NAV3: variants seen among roughly 807,000 people sequenced by gnomAD.
NAV3 encodes the protein neuron navigator 3.
Under a neutral mutation model 244.7 loss-of-function variants are expected in NAV3, and 87 were observed. The ratio of observed to expected loss-of-function variants is 0.36; its 90% CI spans 0.30 to 0.42. The LOEUF is 0.42. NAV3 is among the 20% of genes least tolerant of loss of function. The probability of loss-of-function intolerance (pLI) is 1.00; values close to 1 mark genes in which losing one functional copy is unlikely to be tolerated. For missense variants in NAV3, 2,663 were observed against 2,893.3 expected (o/e 0.92, Z 1.83); for synonymous variants, 1,126 against 1,042.2 (o/e 1.08, Z -1.55).
chr12:77,592,507 T>C (rs955319157), intron 2 of NAV3, among the ~76,000 whole-genome samples: 2 of 152,176 alleles, frequency 1.3e-5, no homozygotes, highest in African/African-American at 2.4e-5. Context: ...CCCTTTACTT[T>C]TCCTACAGAC....
chr12:77,746,619 AAGG>A (rs1868557916), intron 2 of NAV3, among the ~76,000 whole-genome samples: 1 of 152,166 alleles, frequency 6.6e-6, no homozygotes. Context: ...GAGATGGAGA[AAGG>A]AGGATTGAGG....
At chr12:77,680,869 A>G (rs759605922) in intron 2 of NAV3, among the ~76,000 whole-genome samples, 1 of 152,202 alleles carries the variant, frequency 6.6e-6, no homozygotes, top group African/African-American at 2.4e-5. Context: ...GGACACCAAG[A>G]AAGAGTACTC....
intron 2 of NAV3, among the ~76,000 whole-genome samples, chr12:77,641,022 C>T (rs1307502550): frequency 6.6e-6 from 1 of 152,088 alleles, no homozygotes; most frequent in Non-Finnish European, 1.5e-5. Context: ...TAGCAAGCAG[C>T]TTCTAGAGAG....
chr12:77,718,026 T>C (rs1040828402), intron 2 of NAV3, among the ~76,000 whole-genome samples: 1 of 152,186 alleles, frequency 6.6e-6, no homozygotes, highest in Non-Finnish European at 1.5e-5. Context: ...TTCCACAGTT[T>C]GCCTTTTTAC....
chr12:77,900,676 A>G (rs1592942683), intron 1 of NAV3, among the ~76,000 whole-genome samples: 1 of 152,316 alleles, frequency 6.6e-6, no homozygotes, highest in East Asian at 1.9e-4. Flanking sequence ...CGATTAACAT[A>G]CAAGAGCATA....
intron 2 of NAV3, among the ~76,000 whole-genome samples, chr12:77,611,935 T>C (rs1476660238): frequency 3.9e-5 from 6 of 152,082 alleles, no homozygotes; most frequent in Non-Finnish European, 5.9e-5. Flanking sequence ...TTGCTTTTTG[T>C]TGTCCCGTAT....
intron 20 of NAV3, among the ~76,000 whole-genome samples, chr12:78,142,129 A>G (rs1160384720): frequency 6.6e-6 from 1 of 152,088 alleles, no homozygotes; most frequent in Non-Finnish European, 1.5e-5. Flanking sequence ...AACAGGAAGA[A>G]ATGATATTCT....
chr12:77,694,174 G>A (rs960945550), intron 2 of NAV3, among the ~76,000 whole-genome samples: 3 of 151,802 alleles, frequency 2.0e-5, no homozygotes, highest in African/African-American at 7.3e-5. Flanking sequence ...GATTATAAAA[G>A]AAGTCTCTTT....
At chr12:77,884,242 G>A (rs765973178) in intron 1 of NAV3, among the ~76,000 whole-genome samples, 2 of 152,108 alleles carry the variant, frequency 1.3e-5, no homozygotes, top group Non-Finnish European at 2.9e-5. Flanking sequence ...AATGATGGAT[G>A]GTTGGATGGA....
intron 2 of NAV3, among the ~76,000 whole-genome samples, chr12:77,633,497 G>T (rs1039653884): frequency 1.3e-5 from 2 of 152,124 alleles, no homozygotes; most frequent in African/African-American, 4.8e-5. Context: ...GATTCATAAA[G>T]TTATTTATTA....
At chr12:77,968,072 T>A (rs932995234) in intron 4 of NAV3, among the ~76,000 whole-genome samples, 1 of 152,210 alleles carries the variant, frequency 6.6e-6, no homozygotes, top group African/African-American at 2.4e-5. Flanking sequence ...ACCCACATCA[T>A]CAATATTTAT....
At chr12:77,733,996 G>GT (rs1877232594) in intron 2 of NAV3, among the ~76,000 whole-genome samples, 2 of 151,804 alleles carry the variant, frequency 1.3e-5, no homozygotes, top group Admixed American at 1.3e-4. Flanking sequence ...ATTTTTGTTT[G>GT]TTTGTTTGTT....
At chr12:77,972,595 AG>A (rs1350519991) in intron 5 of NAV3, among the ~76,000 whole-genome samples, 1 of 152,096 alleles carries the variant, frequency 6.6e-6, no homozygotes, top group Non-Finnish European at 1.5e-5. Context: ...ATTTTGAAAA[AG>A]GTAGATAAAA....
In NAV3 at chr12:77,968,669, G is replaced by C. The variant is rs755167870; in HGVS notation, c.638G>C (p.Ser213Thr). The change falls in exon 5 of 40, where the codon AGC becomes ACC. Residue 213 changes from serine to threonine, a missense_variant. Ser to Thr is a moderately conservative substitution (Grantham distance 58). This residue lies in a region of NAV3 where 1,521 missense variants were observed against 1,497.0 expected (regional missense o/e 1.02). Coordinates refer to ENST00000397909, the MANE Select transcript of NAV3 (RefSeq NM_001024383.2). Reference sequence around the variant, plus strand: ...CACGCTTCCCCTCCATCGGAAGCCAGCCAGGCCAAAACCCAGCAAGATATG... The same window carrying C: ...CACGCTTCCCCTCCATCGGAAGCCACCCAGGCCAAAACCCAGCAAGATATG... ...VTHASPPSEASQAKTQQDMQS... is the reference protein window; with the variant it reads ...VTHASPPSEATQAKTQQDMQS... The C allele has an allele frequency of 6.2e-7, 1 of 1,614,056 alleles. No homozygotes were observed. The highest frequency in any genetic ancestry group is 1.3e-5 in the African/African-American group (1 of 75,034).
chr12:78,029,561 G>T (rs1878629584), intron 9 of NAV3, among the ~76,000 whole-genome samples: 1 of 152,128 alleles, frequency 6.6e-6, no homozygotes, highest in Non-Finnish European at 1.5e-5. Context: ...ACAGCAGAAT[G>T]CCACCTCATC....
At chr12:78,061,866 A>G (rs182392281) in intron 12 of NAV3, among the ~76,000 whole-genome samples, 26 of 152,216 alleles carry the variant, frequency 1.7e-4, no homozygotes, top group African/African-American at 5.1e-4. Context: ...TTTCCTGTCT[A>G]TTTGTCTTAA....
At chr12:77,969,833 TAAAC>T (rs71441903) in intron 5 of NAV3, among the ~76,000 whole-genome samples, 126,095 of 151,488 alleles carry the variant, frequency 0.83, 52,562 homozygotes, top group East Asian at 0.98. Context: ...CTGTCTAAAG[TAAAC>T]AAACAAACAA....
intron 2 of NAV3, among the ~76,000 whole-genome samples, chr12:77,653,289 A>G (rs1872913728): frequency 6.6e-6 from 1 of 152,198 alleles, no homozygotes; most frequent in African/African-American, 2.4e-5. Flanking sequence ...AGTGCCTGAT[A>G]CTGACAGGTG....
chr12:77,976,651 T>G (rs1868426634), intron 5 of NAV3, among the ~76,000 whole-genome samples: 2 of 92,750 alleles, frequency 2.2e-5, no homozygotes, highest in Admixed American at 2.5e-4. Flanking sequence ...GTATTCTTTC[T>G]TTCTTTCTTT....
Sources: allele counts gnomAD v4.1 joint callset (sites outside exome capture counted in the v4.1 genomes callset), GRCh38; gene constraint gnomAD v4.1.1; regional missense constraint gnomAD v4.1.1; transcripts MANE v1.5; gene names NCBI Gene and HGNC (gene_info 2026-07-23, HGNC 2026-07-21).